Variants in ADARB2 observed in about 807,000 individuals in gnomAD.
The protein encoded by ADARB2 is inactive double-stranded RNA-specific editase B2.
ADARB2 carries 25 observed loss-of-function variants against 62.2 expected under a neutral mutation model. The observed-to-expected ratio is 0.40, with a 90% CI of 0.29 to 0.56. The LOEUF is 0.56. Among genes scored for constraint, ADARB2 ranks in the 20% least tolerant of loss-of-function variants. ADARB2 has a pLI of 0.43. For missense variants in ADARB2, 1,071 were observed against 1,077.4 expected, an observed-to-expected ratio of 0.99 and a Z score of 0.08; for synonymous variants, 572 against 500.8, an observed-to-expected ratio of 1.14 and a Z score of -1.90.
At position 1,179,208 on chromosome 10, in the gene ADARB2, C is replaced by CAA. The variant is rs768221912; in HGVS notation, c.*3984_*3985insTT. On this transcript the variant is annotated 3_prime_UTR_variant, in exon 10 of 10. Transcript: ENST00000381312. ...TCTCCAGACGTGATAAACATTATAT[C>CAA]CAAAAAAAAAAGCATGCGACTTTGT... The CAA allele has an allele frequency of 2.7e-3, 405 of 148,476 alleles. 1 individual carries two copies. Among genetic ancestry groups the CAA allele is most frequent in the African/African-American group, 9.4e-3 (363 of 38,422 alleles). The allele number at this position is 148,476 out of a possible 1,614,324, so 9.2% of individuals were successfully genotyped here.
At chr10:1,206,137 C>T (rs1320703116) in intron 7 of ADARB2, among the ~76,000 whole-genome samples, 2 of 152,244 alleles carry the variant, frequency 1.3e-5, no homozygotes, top group Admixed American at 1.3e-4. Flanking sequence ...CAAAAACTCC[C>T]TTTCTCTTGA....
chr10:1,194,276 A>G (rs1307074712), intron 8 of ADARB2, among the ~76,000 whole-genome samples: 1 of 152,220 alleles, frequency 6.6e-6, no homozygotes, highest in Non-Finnish European at 1.5e-5. Context: ...GCTTCGTCCA[A>G]TCTGCTGAAG....
chr10:1,677,135 G>A (rs1050162131), intron 1 of ADARB2, among the ~76,000 whole-genome samples: 6 of 152,230 alleles, frequency 3.9e-5, no homozygotes, highest in South Asian at 2.1e-4. Context: ...TAATAAAGGA[G>A]CAGGCTTGGA....
At chr10:1,678,414 C>T (rs1398112545) in intron 1 of ADARB2, 38 of 857,870 alleles carry the variant, frequency 4.4e-5, no homozygotes, top group Non-Finnish European at 5.2e-5. Context: ...CGTCTGCGCA[C>T]CTTCCCTTTC....
chr10:1,502,038 G>T (rs536274314), intron 1 of ADARB2, among the ~76,000 whole-genome samples: 4 of 152,226 alleles, frequency 2.6e-5, no homozygotes, highest in Non-Finnish European at 5.9e-5. Flanking sequence ...AACTGCAATC[G>T]TGAGGAAACT....
At chr10:1,628,443 C>T (rs551307694) in intron 1 of ADARB2, among the ~76,000 whole-genome samples, 1 of 152,244 alleles carries the variant, frequency 6.6e-6, no homozygotes, top group South Asian at 2.1e-4. Flanking sequence ...TGTGAAGGCA[C>T]CGGGAGGAAC....
At chr10:1,492,547 A>G (rs1295213931) in intron 1 of ADARB2, among the ~76,000 whole-genome samples, 1 of 152,070 alleles carries the variant, frequency 6.6e-6, no homozygotes, top group Non-Finnish European at 1.5e-5. Flanking sequence ...TTCCAGAACT[A>G]TGAGAGGATG....
chr10:1,539,474 C>A (rs942861163), intron 1 of ADARB2, among the ~76,000 whole-genome samples: 5 of 152,188 alleles, frequency 3.3e-5, no homozygotes, highest in African/African-American at 9.6e-5. Context: ...TGTTGAAGTG[C>A]AAGTAACCTC....
chr10:1,243,248 A>T (rs1830944761), intron 4 of ADARB2, among the ~76,000 whole-genome samples: 1 of 152,262 alleles, frequency 6.6e-6, no homozygotes, highest in Non-Finnish European at 1.5e-5. Context: ...CTGGGCCCGG[A>T]TCGCAGGCCA....
In ADARB2 at chr10:1,552,678, G is replaced by GTCAA. The variant is rs544456164; in HGVS notation, c.101-173522_101-173519dup. Among the ~76,000 whole-genome samples the GTCAA allele has an allele frequency of 1.6e-3, 243 of 151,744 alleles. 1 individual carries two copies. The highest frequency in any genetic ancestry group is 5.6e-3 in the African/African-American group (233 of 41,330). On this transcript the variant is annotated intron_variant, in intron 1 of 9. Transcript: ENST00000381312. ...CTGCCAAGGTCGGCTTCAGGGAACA[G>GTCAA]TCAATCAACACATCTATTGGCGACA...
intron 1 of ADARB2, among the ~76,000 whole-genome samples, chr10:1,584,812 G>C (rs368415608): frequency 6.6e-6 from 1 of 152,314 alleles, no homozygotes; most frequent in African/African-American, 2.4e-5. Context: ...CGGGGGAAAT[G>C]TAAGTGCATA....
At chr10:1,195,785 G>A (rs1589148269) in intron 8 of ADARB2, among the ~76,000 whole-genome samples, 2 of 152,192 alleles carry the variant, frequency 1.3e-5, no homozygotes, top group South Asian at 4.1e-4. Context: ...AGCCAGCAAA[G>A]CACAGTGGGG....
intron 3 of ADARB2, among the ~76,000 whole-genome samples, chr10:1,309,245 C>T (rs1831661993): frequency 6.6e-6 from 1 of 152,266 alleles, no homozygotes; most frequent in African/African-American, 2.4e-5. Flanking sequence ...CACCAAACTT[C>T]ATCCAGAAAG....
chr10:1,556,496 G>A (rs912192555), intron 1 of ADARB2: 1 of 368,106 alleles, frequency 2.7e-6, no homozygotes, highest in Admixed American at 3.6e-5. Context: ...CTCCCTGCTG[G>A]TGCTTCGCAA....
chr10:1,399,150 T>C (rs921688973), intron 1 of ADARB2, among the ~76,000 whole-genome samples: 2 of 152,150 alleles, frequency 1.3e-5, no homozygotes, highest in African/African-American at 4.8e-5. Flanking sequence ...ACACCCTGAC[T>C]CCCCCTGGCC....
chr10:1,185,735 G>A (rs893983172), intron 8 of ADARB2, among the ~76,000 whole-genome samples: 3 of 152,196 alleles, frequency 2.0e-5, no homozygotes, highest in Admixed American at 6.5e-5. Context: ...GCATGCCCAC[G>A]ATGCTGGTCC....
chr10:1,268,290 A>C (rs1400885157), intron 4 of ADARB2, among the ~76,000 whole-genome samples: 2 of 152,162 alleles, frequency 1.3e-5, no homozygotes, highest in Non-Finnish European at 2.9e-5. Flanking sequence ...GAGTGGGAGA[A>C]TACGGCTTTT....
intron 1 of ADARB2, among the ~76,000 whole-genome samples, chr10:1,673,989 C>A (rs937284595): frequency 1.3e-5 from 2 of 152,182 alleles, no homozygotes; most frequent in African/African-American, 4.8e-5. Flanking sequence ...GTTAAATGTG[C>A]AAAACTGAGA....
At chr10:1,393,887 A>G (rs1832590299) in intron 1 of ADARB2, among the ~76,000 whole-genome samples, 1 of 152,036 alleles carries the variant, frequency 6.6e-6, no homozygotes, top group South Asian at 2.1e-4. Flanking sequence ...CACAAGGAGA[A>G]ACTCACAGCT....
Sources: allele counts gnomAD v4.1 joint callset (sites outside exome capture counted in the v4.1 genomes callset), GRCh38; gene constraint gnomAD v4.1.1; transcripts MANE v1.5; gene names NCBI Gene and HGNC (gene_info 2026-07-23, HGNC 2026-07-21).